Variants in RCOR3 observed in about 807,000 individuals in gnomAD.
The protein encoded by RCOR3 is REST corepressor 3.
Under a neutral mutation model 64.1 loss-of-function variants are expected in RCOR3, and 13 were observed. The observed-to-expected ratio is 0.20, with a 90% CI of 0.13 to 0.32. RCOR3 has a LOEUF of 0.32. RCOR3 is among the 10% of genes least tolerant of loss of function. The probability of loss-of-function intolerance (pLI) is 1.00; values close to 1 mark genes in which losing one functional copy is unlikely to be tolerated. For synonymous variants in RCOR3, 215 were observed against 239.0 expected (o/e 0.90, Z 0.93); for missense variants, 489 against 701.2 (o/e 0.70, Z 3.42).
chr1:211,299,247 A>C (rs1406202777), intron 9 of RCOR3, among the ~76,000 whole-genome samples: 1 of 152,188 alleles, frequency 6.6e-6, no homozygotes, highest in Non-Finnish European at 1.5e-5. Flanking sequence ...AGTTATAGGA[A>C]TGGAAGCAAG....
At chr1:211,277,809 T>C (rs1697225092) in intron 5 of RCOR3, among the ~76,000 whole-genome samples, 2 of 152,210 alleles carry the variant, frequency 1.3e-5, no homozygotes, top group African/African-American at 4.8e-5. Flanking sequence ...TAGAGAATTT[T>C]ATTTTATGTG....
chr1:211,295,616 G>A (rs561165357), intron 8 of RCOR3, 60 bp from the exon 9 acceptor site: 61 of 1,338,528 alleles, frequency 4.6e-5, no homozygotes, highest in Non-Finnish European at 5.5e-5. Context: ...ACTTAATTGA[G>A]TACTCACAAA....
At chr1:211,305,187 C>T (rs570235680) in intron 10 of RCOR3, among the ~76,000 whole-genome samples, 8 of 152,302 alleles carry the variant, frequency 5.3e-5, no homozygotes, top group Non-Finnish European at 1.2e-4. Context: ...TTGAAAATGT[C>T]ACAGGAGGGT....
At chr1:211,309,183 A>G (rs1358471062) in intron 10 of RCOR3, among the ~76,000 whole-genome samples, 31 of 152,054 alleles carry the variant, frequency 2.0e-4, no homozygotes, top group Admixed American at 2.0e-3. Context: ...CTAGCCAAAG[A>G]TTAAAACAAA....
At chr1:211,291,281 C>T (rs901765158) in intron 8 of RCOR3, among the ~76,000 whole-genome samples, 3 of 152,168 alleles carry the variant, frequency 2.0e-5, no homozygotes, top group African/African-American at 7.2e-5. Flanking sequence ...ACAGGTTGAG[C>T]ATCCCTAATC....
intron 7 of RCOR3, among the ~76,000 whole-genome samples, chr1:211,281,222 C>A (rs1390085872): frequency 6.6e-6 from 1 of 152,124 alleles, no homozygotes; most frequent in Non-Finnish European, 1.5e-5. Flanking sequence ...CTGTCTTTGA[C>A]TTTCGTAATG....
chr1:211,268,213 G>C (rs1291022088), intron 2 of RCOR3, among the ~76,000 whole-genome samples: 1 of 152,040 alleles, frequency 6.6e-6, no homozygotes, highest in East Asian at 1.9e-4. Context: ...TATGAATTAA[G>C]TAAAGGCTTC....
intron 3 of RCOR3, 197 bp downstream of exon 3, chr1:211,271,506 TG>T (rs751427721): frequency 1.5e-6 from 1 of 647,498 alleles, no homozygotes; most frequent in Admixed American, 2.1e-5. Flanking sequence ...GATAGTGGGT[TG>T]ATCATTCCAA....
At chr1:211,307,412 C>G (rs556593066) in intron 10 of RCOR3, among the ~76,000 whole-genome samples, 1 of 151,532 alleles carries the variant, frequency 6.6e-6, no homozygotes, top group African/African-American at 2.4e-5. Context: ...TTGCTTGAAC[C>G]TGGGAGGTGG....
At chr1:211,297,988 G>C (rs748803614) in intron 9 of RCOR3, among the ~76,000 whole-genome samples, 1 of 152,140 alleles carries the variant, frequency 6.6e-6, no homozygotes. Context: ...TAATTTGGTT[G>C]TATTTCTTAT....
Position 211,313,691 on chromosome 1 carries a change from GTGT to G in RCOR3, c.1589_1591del (p.Leu530del). The G allele has an allele frequency of 6.2e-7, 1 of 1,614,196 alleles. No homozygotes were observed. Among genetic ancestry groups the G allele is most frequent in the Non-Finnish European group, 8.5e-7 (1 of 1,180,030 alleles). Reference sequence around the variant, plus strand: ...GCCACCCCGTCTAAACCCAAGACCGGTGTTGTCCACGGTTGGTGGTCAACAGCC... The same window carrying G: ...GCCACCCCGTCTAAACCCAAGACCGGTGTCCACGGTTGGTGGTCAACAGCC... On this transcript the variant is annotated inframe_deletion, in exon 12 of 12. Coordinates refer to ENST00000419091, the MANE Select transcript of RCOR3 (RefSeq NM_001136223.3). This position sits in a 1 kb window ranked among gnomAD's most constrained non-coding sequence, Gnocchi z 4.7.
intron 7 of RCOR3, among the ~76,000 whole-genome samples, chr1:211,282,266 A>G (rs1697910779): frequency 6.6e-6 from 1 of 151,868 alleles, no homozygotes; most frequent in Non-Finnish European, 1.5e-5. Context: ...AGCTTCATTC[A>G]TTTCTCTGCT....
At chr1:211,273,124 AATTTT>A (rs909999701) in intron 3 of RCOR3, among the ~76,000 whole-genome samples, 38 of 152,332 alleles carry the variant, frequency 2.5e-4, no homozygotes, top group Middle Eastern at 3.4e-3. Flanking sequence ...TACATTTAAC[AATTTT>A]ATTCTAATAG....
chr1:211,259,764 CCCCCTCCCTCTT>C, intron 1 of RCOR3, 38 bp downstream of exon 1: 1 of 1,359,260 alleles, frequency 7.4e-7, no homozygotes, highest in Admixed American at 2.7e-5. Flanking sequence ...GCCCGCCTGC[CCCCCTCCCTCTT>C]CCCCTCCCCC....
At chr1:211,298,198 C>G (rs1212731237) in intron 9 of RCOR3, among the ~76,000 whole-genome samples, 1 of 152,112 alleles carries the variant, frequency 6.6e-6, no homozygotes, top group East Asian at 1.9e-4. Context: ...TGTTATAAGA[C>G]AAACTGATCA....
At chr1:211,265,439 C>G (rs1695021715) in intron 2 of RCOR3, among the ~76,000 whole-genome samples, 1 of 152,014 alleles carries the variant, frequency 6.6e-6, no homozygotes, top group Non-Finnish European at 1.5e-5. Context: ...TTTATTGGGC[C>G]CGGCGCGGTG....
At chr1:211,302,834 A>G (rs1266557376) in intron 9 of RCOR3, 3 of 152,198 alleles carry the variant, frequency 2.0e-5, no homozygotes, top group African/African-American at 7.2e-5. Context: ...TAGGGTCTCA[A>G]TTAACAATAT....
chr1:211,265,680 T>C (rs1031229114), intron 2 of RCOR3, among the ~76,000 whole-genome samples: 4 of 152,064 alleles, frequency 2.6e-5, no homozygotes, highest in African/African-American at 7.2e-5. Context: ...GATTGCACCA[T>C]TGCACTCCAG....
intron 10 of RCOR3, among the ~76,000 whole-genome samples, chr1:211,309,426 T>C (rs1701270018): frequency 6.6e-6 from 1 of 152,218 alleles, no homozygotes; most frequent in African/African-American, 2.4e-5. Flanking sequence ...TTTATGTTAA[T>C]TCCCAAATAA....
Sources: allele counts gnomAD v4.1 joint callset (sites outside exome capture counted in the v4.1 genomes callset), GRCh38; gene constraint gnomAD v4.1.1; non-coding constraint Gnocchi (gnomAD v3.1); transcripts MANE v1.5; gene names NCBI Gene and HGNC (gene_info 2026-07-23, HGNC 2026-07-21).